ACVR2A: variants seen among roughly 807,000 people sequenced by gnomAD.
ACVR2A encodes the protein activin receptor type-2A.
Under a neutral mutation model 61.4 loss-of-function variants are expected in ACVR2A, and 7 were observed. The ratio of observed to expected loss-of-function variants is 0.11; its 90% CI spans 0.06 to 0.21. The LOEUF is 0.21. Among genes scored for constraint, ACVR2A ranks in the 10% least tolerant of loss-of-function variants. The pLI is 1.00. For synonymous variants in ACVR2A, 193 were observed against 208.3 expected (o/e 0.93, Z 0.63); for missense variants, 322 against 621.7 (o/e 0.52, Z 5.13).
At chr2:147,923,387 T>G (rs1433848297) in intron 9 of ACVR2A, among the ~76,000 whole-genome samples, 1 of 152,020 alleles carries the variant, frequency 6.6e-6, no homozygotes, top group Non-Finnish European at 1.5e-5. Flanking sequence ...GTTATTATGC[T>G]TTACATATGA....
intron 1 of ACVR2A, among the ~76,000 whole-genome samples, chr2:147,873,068 G>T (rs1686063020): frequency 6.6e-6 from 1 of 151,824 alleles, no homozygotes; most frequent in Non-Finnish European, 1.5e-5. Flanking sequence ...CATCATTTTA[G>T]ATTTTTTAAT....
At chr2:147,869,506 A>T (rs1685958220) in intron 1 of ACVR2A, among the ~76,000 whole-genome samples, 1 of 152,224 alleles carries the variant, frequency 6.6e-6, no homozygotes, top group African/African-American at 2.4e-5. Context: ...AGACAAGATT[A>T]GGTTAAATAG....
intron 4 of ACVR2A, among the ~76,000 whole-genome samples, chr2:147,905,951 G>C (rs1211172232): frequency 6.6e-6 from 1 of 152,126 alleles, no homozygotes; most frequent in East Asian, 1.9e-4. Context: ...TTCTAAAAGT[G>C]ACTTCTGTTT....
At chr2:147,877,035 T>TAC (rs200511363) in intron 1 of ACVR2A, among the ~76,000 whole-genome samples, 1 of 133,256 alleles carries the variant, frequency 7.5e-6, no homozygotes, top group Non-Finnish European at 1.6e-5. Flanking sequence ...TACTTTCTTC[T>TAC]ACACGTCTTG....
chr2:147,868,140 G>A (rs1028914329), intron 1 of ACVR2A, among the ~76,000 whole-genome samples: 3 of 152,076 alleles, frequency 2.0e-5, no homozygotes, highest in Admixed American at 1.3e-4. Context: ...TGGAATCGGC[G>A]CCCAGTTCAC....
At position 147,917,161 on chromosome 2, in the gene ACVR2A, A is replaced by T. The variant is rs910086433; in HGVS notation, c.673-122A>T. Reference sequence around the variant, plus strand: ...TTCTTATTACAAAACAGAACAAAAAATTTTTTAAGACTTTTTTGTTTTGTT... The same window carrying T: ...TTCTTATTACAAAACAGAACAAAAATTTTTTTAAGACTTTTTTGTTTTGTT... On this transcript the variant is annotated intron_variant, in intron 5 of 10. Transcript: ENST00000241416. 9.1e-6 allele frequency: 10 copies of T among 1,098,632 alleles called. No homozygotes were observed. The African/African-American group carries it at 1.2e-4, about 13-fold the overall frequency. 68.1% of individuals were successfully genotyped at this position (1,098,632 alleles called of 1,614,324 possible). A position where few individuals can be genotyped will look rare whatever the true frequency, so the allele number is the denominator to read the frequency against.
intron 4 of ACVR2A, among the ~76,000 whole-genome samples, chr2:147,906,930 G>T (rs537581499): frequency 2.7e-5 from 4 of 149,814 alleles, no homozygotes; most frequent in African/African-American, 7.4e-5. Context: ...CTATCAACCC[G>T]TCAGCTAGGT....
At chr2:147,926,238 T>A in intron 10 of ACVR2A, 77 bp downstream of exon 10, 1 of 1,510,148 alleles carries the variant, frequency 6.6e-7, no homozygotes, top group Non-Finnish European at 9.0e-7. Flanking sequence ...TCTGCACATT[T>A]CTCTTTCTTC....
intron 10 of ACVR2A, among the ~76,000 whole-genome samples, chr2:147,926,366 G>C (rs1046395107): frequency 3.3e-5 from 5 of 151,876 alleles, no homozygotes; most frequent in Admixed American, 6.6e-5. Flanking sequence ...GCTTTAGAGG[G>C]CTTTTGTCTC....
At chr2:147,923,222 C>A in intron 9 of ACVR2A, 111 bp downstream of exon 9, 1 of 1,209,104 alleles carries the variant, frequency 8.3e-7, no homozygotes, top group Non-Finnish European at 1.1e-6. Context: ...TTTTAATTGA[C>A]TCCAAGAGAT....
At chr2:147,873,523 A>G (rs977832594) in intron 1 of ACVR2A, among the ~76,000 whole-genome samples, 3 of 151,924 alleles carry the variant, frequency 2.0e-5, no homozygotes, top group African/African-American at 7.2e-5. Context: ...TGGACAGCTA[A>G]AGTCTAGAGC....
At chr2:147,844,967 TTTTTTTTC>T (rs372067410), upstream of ACVR2A, 2 of 433,386 alleles carry the variant, frequency 4.6e-6, no homozygotes, top group African/African-American at 3.2e-5. Context: ...CGTTGTGCTC[TTTTTTTTC>T]TTTTTTTTTT....
chr2:147,912,810 G>A (rs1352833590), intron 4 of ACVR2A, among the ~76,000 whole-genome samples: 1 of 151,842 alleles, frequency 6.6e-6, no homozygotes, highest in Non-Finnish European at 1.5e-5. Flanking sequence ...AAAAGCTCAT[G>A]TCATTGCTAA....
At chr2:147,872,863 A>G (rs1686058319) in intron 1 of ACVR2A, among the ~76,000 whole-genome samples, 1 of 151,836 alleles carries the variant, frequency 6.6e-6, no homozygotes, top group African/African-American at 2.4e-5. Context: ...AGAAAGCAGT[A>G]AGAAAAGTTC....
chr2:147,876,957 C>T (rs541516646), intron 1 of ACVR2A, among the ~76,000 whole-genome samples: 20 of 152,176 alleles, frequency 1.3e-4, no homozygotes, highest in Middle Eastern at 6.8e-3. Context: ...TGCACAGATA[C>T]GCCACTGAGT....
chr2:147,886,259 C>T (rs1573678690), intron 1 of ACVR2A, among the ~76,000 whole-genome samples: 1 of 152,120 alleles, frequency 6.6e-6, no homozygotes, highest in South Asian at 2.1e-4. Flanking sequence ...GTGGCAGGAG[C>T]AATGACACGT....
intron 1 of ACVR2A, among the ~76,000 whole-genome samples, chr2:147,895,646 G>A (rs1369128942): frequency 3.3e-5 from 5 of 152,010 alleles, no homozygotes; most frequent in Admixed American, 6.6e-5. Flanking sequence ...GTGAACAGAA[G>A]GTGTAAACTT....
chr2:147,910,994 G>GA (rs752872661), intron 4 of ACVR2A, among the ~76,000 whole-genome samples: 1 of 152,158 alleles, frequency 6.6e-6, no homozygotes, highest in Non-Finnish European at 1.5e-5. Context: ...TGTCTTCCAT[G>GA]AAAGGGAAGT....
intron 7 of ACVR2A, among the ~76,000 whole-genome samples, 193 bp downstream of exon 7, chr2:147,918,785 T>TTTACA (rs1687311642): frequency 6.6e-6 from 1 of 152,086 alleles, no homozygotes. Context: ...GTTAACATTA[T>TTTACA]TGGTAAAGTT....
Sources: allele counts gnomAD v4.1 joint callset (sites outside exome capture counted in the v4.1 genomes callset), GRCh38; gene constraint gnomAD v4.1.1; transcripts MANE v1.5; gene names NCBI Gene and HGNC (gene_info 2026-07-23, HGNC 2026-07-21).